Variants in CERKL observed in about 807,000 individuals in gnomAD.
CERKL encodes the protein CERK like autophagy regulator.
A neutral mutation model predicts 63.4 loss-of-function variants in CERKL; 61 were observed. The observed-to-expected ratio is 0.96, with a 90% confidence interval of 0.78 to 1.19. The LOEUF (loss-of-function observed/expected upper bound fraction) is 1.19. CERKL is among the 50% of genes most tolerant of loss of function. The probability of loss-of-function intolerance (pLI) is 0.00; values close to 1 mark genes in which losing one functional copy is unlikely to be tolerated. For synonymous variants in CERKL, 250 were observed against 230.5 expected (o/e 1.08, Z -0.77); for missense variants, 675 against 655.5 (o/e 1.03, Z -0.33).
At chr2:181,566,166 C>T (rs751063338) in intron 3 of CERKL, 45 bp from the exon 4 acceptor site, 2 of 1,440,784 alleles carry the variant, frequency 1.4e-6, no homozygotes, top group South Asian at 1.1e-5. Flanking sequence ...CAGTTTTAAA[C>T]AATGATCACA....
intron 1 of CERKL, among the ~76,000 whole-genome samples, chr2:181,604,897 A>G (rs1303759645): frequency 6.6e-6 from 1 of 152,308 alleles, no homozygotes; most frequent in East Asian, 1.9e-4. Flanking sequence ...TTCATGACTT[A>G]TCTTTAAACC....
intron 2 of CERKL, among the ~76,000 whole-genome samples, chr2:181,586,720 A>C (rs1428155101): frequency 6.6e-6 from 1 of 152,190 alleles, no homozygotes; most frequent in Non-Finnish European, 1.5e-5. Context: ...ATACTAGTTT[A>C]AACTTGATCT....
intron 1 of CERKL, among the ~76,000 whole-genome samples, chr2:181,615,682 G>C (rs964753875): frequency 3.3e-4 from 51 of 152,276 alleles, no homozygotes; most frequent in African/African-American, 1.2e-3. Context: ...AATTCTGTTT[G>C]AATACACCAC....
chr2:181,597,438 A>G (rs2105885277), intron 2 of CERKL, among the ~76,000 whole-genome samples: 1 of 152,322 alleles, frequency 6.6e-6, no homozygotes, highest in South Asian at 2.1e-4. Flanking sequence ...GATCAAAGTT[A>G]CTGTCAAATG....
rs574408596 is a variant in CERKL, at chr2:181,598,909, G to A, written c.481+4928C>T. ...AAGTTTAAGTCCCGCCCAACCAATA[G>A]GAAATTCAAAAATAAGAATCAACAG... On this transcript the variant is annotated intron_variant, in intron 2 of 12. Coordinates refer to ENST00000410087, the MANE Select transcript of CERKL (RefSeq NM_201548.5). Among the ~76,000 whole-genome samples, 10 of 150,214 alleles carry A rather than the reference G, an allele frequency of 6.7e-5. No individual in the cohort carries two copies. The South Asian group carries it at 1.7e-3, about 25-fold the overall frequency.
Position 181,647,354 on chromosome 2 carries a change from T to C in CERKL, c.238+9415A>G, listed in dbSNP as rs191707688. Among the ~76,000 whole-genome samples, 150 of 152,312 alleles carry C rather than the reference T, an allele frequency of 9.8e-4. 1 individual carries two copies. Among genetic ancestry groups the C allele is most frequent in the African/African-American group, 3.2e-3 (131 of 41,564 alleles). ...TAGAAGAAAAGCTGGAAAATCATAC[T>C]TTCTCTTCCCTGGGGAGCCCAAAAG... On this transcript the variant is annotated intron_variant, in intron 1 of 12. Coordinates refer to ENST00000410087, the MANE Select transcript of CERKL (RefSeq NM_201548.5).
At chr2:181,587,097 AGAGGTCT>A (rs1382081577) in intron 2 of CERKL, among the ~76,000 whole-genome samples, 5 of 152,190 alleles carry the variant, frequency 3.3e-5, no homozygotes, top group Non-Finnish European at 7.3e-5. Context: ...ACTTTCCAGT[AGAGGTCT>A]GAGTTAGAGA....
intron 10 of CERKL, among the ~76,000 whole-genome samples, chr2:181,546,167 C>A: frequency 6.6e-6 from 1 of 152,120 alleles, no homozygotes. Context: ...AGTCATCCTT[C>A]TCTGAAAAAT....
rs200338614 is a variant in CERKL, at chr2:181,537,036, G to T, written c.*1148C>A. The T allele has an allele frequency of 6.8e-6, 3 of 443,974 alleles. No individual in the cohort carries two copies. The highest frequency in any genetic ancestry group is 6.1e-5 in the African/African-American group (3 of 49,578). 27.5% of individuals were successfully genotyped at this position (443,974 alleles called of 1,614,324 possible). ...GAGGAATGTTCTGAGATTTGCGAAGGCATTTGAGTAGTGAAATGTAAGCAC... is the reference window on the plus strand; with the variant it reads ...GAGGAATGTTCTGAGATTTGCGAAGTCATTTGAGTAGTGAAATGTAAGCAC... On this transcript the variant is annotated 3_prime_UTR_variant, in exon 13 of 13. Coordinates refer to ENST00000410087, the MANE Select transcript of CERKL (RefSeq NM_201548.5).
chr2:181,608,982 C>T (rs539782129), intron 1 of CERKL, among the ~76,000 whole-genome samples: 1 of 152,104 alleles, frequency 6.6e-6, no homozygotes, highest in South Asian at 2.1e-4. Flanking sequence ...ATAAACTTAG[C>T]AAAATGATTC....
At chr2:181,585,704 C>A (rs539712379) in intron 2 of CERKL, among the ~76,000 whole-genome samples, 214 of 151,868 alleles carry the variant, frequency 1.4e-3, no homozygotes, top group Middle Eastern at 3.4e-3. Context: ...TATTTGAGAA[C>A]TGGTAAAAAA....
chr2:181,618,643 C>T (rs1686318327), intron 1 of CERKL, among the ~76,000 whole-genome samples: 1 of 152,122 alleles, frequency 6.6e-6, no homozygotes, highest in African/African-American at 2.4e-5. Flanking sequence ...AACTCCTGAC[C>T]TCAAGTGATC....
At chr2:181,597,638 G>A (rs556702393) in intron 2 of CERKL, among the ~76,000 whole-genome samples, 1 of 152,206 alleles carries the variant, frequency 6.6e-6, no homozygotes, top group Admixed American at 6.5e-5. Flanking sequence ...CCCAGGGATA[G>A]AGAACTGGGT....
At chr2:181,638,551 T>C (rs1344785603) in intron 1 of CERKL, among the ~76,000 whole-genome samples, 3 of 152,194 alleles carry the variant, frequency 2.0e-5, no homozygotes, top group Non-Finnish European at 4.4e-5. Flanking sequence ...GAGTTTATAG[T>C]GATCATAACA....
At chr2:181,611,218 A>G (rs914258003) in intron 1 of CERKL, among the ~76,000 whole-genome samples, 8 of 151,780 alleles carry the variant, frequency 5.3e-5, no homozygotes, top group African/African-American at 1.9e-4. Context: ...GTGAAACTCC[A>G]TCTCAAAAAA....
chr2:181,576,733 T>C (rs1416129813), intron 2 of CERKL, among the ~76,000 whole-genome samples: 1 of 152,248 alleles, frequency 6.6e-6, no homozygotes, highest in African/African-American at 2.4e-5. Context: ...GTGCTTGGAC[T>C]GAAGTGACTG....
chr2:181,644,251 G>A (rs1687574079), intron 1 of CERKL, among the ~76,000 whole-genome samples: 1 of 152,242 alleles, frequency 6.6e-6, no homozygotes, highest in Non-Finnish European at 1.5e-5. Context: ...CCTTGGCAGG[G>A]TCCCATGACC....
chr2:181,646,719 T>C (rs1260410884), intron 1 of CERKL, among the ~76,000 whole-genome samples: 1 of 151,970 alleles, frequency 6.6e-6, no homozygotes, highest in African/African-American at 2.4e-5. Context: ...ACCAAGAGAG[T>C]TAAGTCAAAG....
chr2:181,597,019 T>C (rs2105884634), intron 2 of CERKL, among the ~76,000 whole-genome samples: 1 of 152,342 alleles, frequency 6.6e-6, no homozygotes, highest in South Asian at 2.1e-4. Context: ...CACATACTTA[T>C]TTGACATTCT....
Sources: allele counts gnomAD v4.1 joint callset (sites outside exome capture counted in the v4.1 genomes callset), GRCh38; gene constraint gnomAD v4.1.1; transcripts MANE v1.5; gene names NCBI Gene and HGNC (gene_info 2026-07-23, HGNC 2026-07-21).